Variants in PPM1L observed in about 807,000 individuals in gnomAD.
PPM1L encodes protein phosphatase, Mg2+/Mn2+ dependent 1L, also known as protein phosphatase 1L.
In PPM1L, 13 loss-of-function variants were observed where a neutral mutation model predicts 31.4. The observed-to-expected ratio is 0.41, with a 90% CI of 0.27 to 0.66. The LOEUF is 0.66. Among genes scored for constraint, PPM1L ranks in the 30% least tolerant of loss-of-function variants. PPM1L has a pLI of 0.29. For missense variants in PPM1L, 326 were observed against 453.7 expected (o/e 0.72, Z 2.56); for synonymous variants, 184 against 175.4 (o/e 1.05, Z -0.39).
chr3:160,841,705 C>T (rs1713885362), intron 1 of PPM1L, among the ~76,000 whole-genome samples: 1 of 152,160 alleles, frequency 6.6e-6, no homozygotes, highest in Admixed American at 6.6e-5. Context: ...ACTGCCTTTT[C>T]CAGTGGGTGC....
chr3:160,801,826 G>T (rs1576643934), intron 1 of PPM1L, among the ~76,000 whole-genome samples: 1 of 152,148 alleles, frequency 6.6e-6, no homozygotes, highest in African/African-American at 2.4e-5. Context: ...ATTATCTACA[G>T]ATTATATATG....
At chr3:160,874,760 C>G (rs1330482993) in intron 1 of PPM1L, among the ~76,000 whole-genome samples, 3 of 152,190 alleles carry the variant, frequency 2.0e-5, no homozygotes, top group African/African-American at 7.2e-5. Flanking sequence ...CTCTTTCTTT[C>G]CTGTGACATG....
chr3:161,012,266 T>C (rs1408672945), intron 2 of PPM1L, among the ~76,000 whole-genome samples: 1 of 152,188 alleles, frequency 6.6e-6, no homozygotes, highest in Non-Finnish European at 1.5e-5. Context: ...TCTGCATCTA[T>C]TGAGATCATC....
intron 1 of PPM1L, among the ~76,000 whole-genome samples, chr3:160,914,478 C>T (rs1714088052): frequency 2.1e-5 from 3 of 144,966 alleles, no homozygotes; most frequent in Admixed American, 1.4e-4. Flanking sequence ...TGTGACGTTC[C>T]CTTTCCTGTG....
chr3:160,983,644 T>C (rs964532504), intron 2 of PPM1L, among the ~76,000 whole-genome samples: 1 of 152,216 alleles, frequency 6.6e-6, no homozygotes, highest in Non-Finnish European at 1.5e-5. Context: ...TACTCTGTTG[T>C]ATTCTGTGGG....
intron 1 of PPM1L, among the ~76,000 whole-genome samples, chr3:160,896,224 A>G (rs1456369548): frequency 3.9e-5 from 6 of 152,272 alleles, no homozygotes; most frequent in Admixed American, 2.6e-4. Context: ...AGTGTATGGG[A>G]AAAAAATCTT....
intron 1 of PPM1L, among the ~76,000 whole-genome samples, chr3:160,819,465 G>A (rs560713126): frequency 2.8e-4 from 43 of 152,086 alleles, no homozygotes; most frequent in Non-Finnish European, 4.9e-4. Flanking sequence ...CAATGATAAT[G>A]TCAGTAACAG....
chr3:160,843,199 G>A (rs1422374658), intron 1 of PPM1L, among the ~76,000 whole-genome samples: 2 of 151,340 alleles, frequency 1.3e-5, no homozygotes, highest in Non-Finnish European at 2.9e-5. Context: ...ATAGGATTTA[G>A]ACTTTTAAAT....
intron 1 of PPM1L, among the ~76,000 whole-genome samples, chr3:160,843,428 A>ATT (rs1183805665): frequency 2.6e-5 from 1 of 39,128 alleles, no homozygotes; most frequent in Non-Finnish European, 4.9e-5. Flanking sequence ...CAATTCTTTT[A>ATT]TATATATATA....
intron 1 of PPM1L, among the ~76,000 whole-genome samples, chr3:160,761,374 G>C (rs976495765): frequency 6.6e-6 from 1 of 152,130 alleles, no homozygotes; most frequent in Admixed American, 6.5e-5. Context: ...AGTCTCCTTA[G>C]CTCTGAGAAA....
chr3:160,974,595 T>C (rs2108027580), intron 2 of PPM1L, among the ~76,000 whole-genome samples: 1 of 151,798 alleles, frequency 6.6e-6, no homozygotes, highest in East Asian at 1.9e-4. Flanking sequence ...CTCATTGTGG[T>C]TTTGATTTGC....
At chr3:160,802,812 G>T (rs1482191860) in intron 1 of PPM1L, among the ~76,000 whole-genome samples, 1 of 152,150 alleles carries the variant, frequency 6.6e-6, no homozygotes, top group Admixed American at 6.5e-5. Flanking sequence ...TTTTTAAAAG[G>T]TACTTTTTTT....
rs572694549 is a variant in PPM1L, at chr3:161,058,600, G to A, written c.575-6803G>A. Among the ~76,000 whole-genome samples, 35 of 152,080 alleles carry A rather than the reference G, an allele frequency of 2.3e-4. 1 individual carries two copies. The South Asian group carries it at 5.2e-3, about 23-fold the overall frequency. ...TACTATACAAACTCATAATGCTGGG[G>A]GAGGGGCTGAGGATTGGGGTGGGCG... On this transcript the variant is annotated intron_variant, in intron 2 of 3. Transcript: ENST00000498165.
At chr3:160,776,093 A>G (rs1288012392) in intron 1 of PPM1L, among the ~76,000 whole-genome samples, 5 of 152,210 alleles carry the variant, frequency 3.3e-5, no homozygotes, top group East Asian at 3.8e-4. Flanking sequence ...ATATATGTGT[A>G]TATATTTGTT....
intron 2 of PPM1L, among the ~76,000 whole-genome samples, chr3:161,034,481 G>A (rs1410561772): frequency 6.6e-6 from 1 of 152,130 alleles, no homozygotes; most frequent in Non-Finnish European, 1.5e-5. Flanking sequence ...AGAAAATGTG[G>A]CACATATACA....
intron 2 of PPM1L, among the ~76,000 whole-genome samples, chr3:161,014,372 C>CAT (rs1202171413): frequency 6.6e-6 from 1 of 151,696 alleles, no homozygotes; most frequent in Non-Finnish European, 1.5e-5. Flanking sequence ...CAAATTATAA[C>CAT]ATATCCATGT....
At chr3:160,884,785 A>T (rs1324054113) in intron 1 of PPM1L, among the ~76,000 whole-genome samples, 1 of 152,198 alleles carries the variant, frequency 6.6e-6, no homozygotes, top group African/African-American at 2.4e-5. Flanking sequence ...GATGAATAAG[A>T]TTTTAAGACC....
intron 2 of PPM1L, among the ~76,000 whole-genome samples, chr3:161,005,031 G>C (rs1040898825): frequency 5.3e-5 from 8 of 151,774 alleles, no homozygotes; most frequent in African/African-American, 1.9e-4. Flanking sequence ...AGAGATTCTG[G>C]TATGTTGTGT....
intron 1 of PPM1L, among the ~76,000 whole-genome samples, chr3:160,856,573 A>G (rs1445251899): frequency 6.6e-6 from 1 of 152,096 alleles, no homozygotes; most frequent in Non-Finnish European, 1.5e-5. Context: ...ACCAAATACC[A>G]CATGTTCTCA....
Sources: allele counts gnomAD v4.1 joint callset (sites outside exome capture counted in the v4.1 genomes callset), GRCh38; gene constraint gnomAD v4.1.1; transcripts MANE v1.5; gene names NCBI Gene and HGNC (gene_info 2026-07-23, HGNC 2026-07-21).